Variants in FRMPD4 observed in about 807,000 individuals in gnomAD.
FRMPD4 encodes FERM and PDZ domain-containing protein 4.
FRMPD4 carries 22 observed loss-of-function variants against 94.1 expected under a neutral mutation model. That is an observed-to-expected ratio of 0.23 (90% CI 0.17 to 0.33). The LOEUF (loss-of-function observed/expected upper bound fraction) is 0.33, where lower values mean the gene tolerates loss of function less well. FRMPD4 is among the 10% of genes least tolerant of loss of function. FRMPD4 has a pLI of 1.00. For synonymous variants in FRMPD4, 631 were observed against 548.6 expected, an observed-to-expected ratio of 1.15 and a Z score of -2.10; for missense variants, 1,111 against 1,339.9, an observed-to-expected ratio of 0.83 and a Z score of 2.67.
At chrX:11,970,727 G>T (rs2054335771) in intron 3 of FRMPD4, among the ~76,000 whole-genome samples, 1 of 111,792 alleles carries the variant, frequency 8.9e-6, no homozygotes. Flanking sequence ...AAGTTTTCGT[G>T]ATTGCTTAAA....
intron 3 of FRMPD4, among the ~76,000 whole-genome samples, chrX:12,098,808 A>G (rs1271829548): frequency 9.0e-6 from 1 of 110,738 alleles, no homozygotes; most frequent in African/African-American, 3.3e-5. Context: ...CAAAGTGGAG[A>G]AACCCTACTT....
chrX:12,582,419 C>CA (rs1447477452), intron 2 of FRMPD4, among the ~76,000 whole-genome samples: 1 of 112,032 alleles, frequency 8.9e-6, no homozygotes, highest in African/African-American at 3.2e-5. Flanking sequence ...TCCTATCTTC[C>CA]AAAGCTCCAT....
chrX:11,910,508 G>A (rs2053991075), intron 3 of FRMPD4, among the ~76,000 whole-genome samples: 1 of 108,994 alleles, frequency 9.2e-6, no homozygotes, highest in East Asian at 2.9e-4. Context: ...TAACCTCCCA[G>A]GTTCAAGCTA....
rs186884273 is a variant in FRMPD4 at position 12,193,888 on chromosome X, C to T, written c.41+54876C>T. On this transcript the variant is annotated intron_variant, in intron 1 of 16. Transcript: ENST00000675598. ...AAGGAAGAGAGAGAGAAAGAGAAAG[C>T]GAGAAAGCAAGCAAGGCAAGAGATT... Among the ~76,000 whole-genome samples the T allele has an allele frequency of 8.7e-5, 9 of 103,784 alleles. No homozygotes were observed. The East Asian group carries it at 2.8e-3, about 32-fold the overall frequency. 90.1% of individuals were successfully genotyped at this position (103,784 alleles called of 115,157 possible).
chrX:12,286,949 C>T (rs1365086936), intron 1 of FRMPD4, among the ~76,000 whole-genome samples: 6 of 112,166 alleles, frequency 5.3e-5, no homozygotes, highest in Admixed American at 4.7e-4. Flanking sequence ...TCTCTGGAGG[C>T]ATCAATCCTG....
intron 1 of FRMPD4, among the ~76,000 whole-genome samples, chrX:12,302,262 C>T (rs975959146): frequency 1.8e-5 from 2 of 112,066 alleles, no homozygotes; most frequent in African/African-American, 6.5e-5. Context: ...AGTTTATATG[C>T]AGATTGGGAA....
At chrX:12,313,185 T>G (rs1482756376) in intron 1 of FRMPD4, among the ~76,000 whole-genome samples, 2 of 112,480 alleles carry the variant, frequency 1.8e-5, no homozygotes, top group Non-Finnish European at 3.8e-5. Flanking sequence ...CTTGAGAAGA[T>G]GAAGACTGCA....
chrX:12,119,348 T>C (rs1239004262), intron 3 of FRMPD4, among the ~76,000 whole-genome samples: 1 of 112,055 alleles, frequency 8.9e-6, no homozygotes, highest in Non-Finnish European at 1.9e-5. Flanking sequence ...CAGTTCACCA[T>C]GATTTAGAAT....
rs2054370225 is a variant in FRMPD4, at chrX:11,976,908, G to C, written c.95+98890G>C. 2.7e-5 allele frequency among the ~76,000 whole-genome samples: 3 copies of C among 110,178 alleles called. No individual in the cohort carries two copies. The South Asian group carries it at 1.2e-3, about 42-fold the overall frequency. On this transcript the variant is annotated intron_variant, in intron 3 of 18. Transcript: ENST00000640291. ...TCTGTGATCATTTTCATTTTGTTTTGTTCTTTTTTTAAAAAAAATGCATCT... is the reference window on the plus strand; with the variant it reads ...TCTGTGATCATTTTCATTTTGTTTTCTTCTTTTTTTAAAAAAAATGCATCT...
chrX:12,093,627 G>A (rs2055173524), intron 3 of FRMPD4, among the ~76,000 whole-genome samples: 1 of 108,194 alleles, frequency 9.2e-6, no homozygotes, highest in African/African-American at 3.4e-5. Flanking sequence ...AAGTCTTGCT[G>A]AGGACATCAC....
chrX:12,443,623 C>T (rs963469000), intron 1 of FRMPD4, among the ~76,000 whole-genome samples: 3 of 111,384 alleles, frequency 2.7e-5, no homozygotes, highest in African/African-American at 9.8e-5. Flanking sequence ...AATAAGGCTA[C>T]ATCTGAAGAC....
intron 3 of FRMPD4, among the ~76,000 whole-genome samples, chrX:11,959,000 A>C (rs1468882907): frequency 2.7e-5 from 3 of 112,444 alleles, no homozygotes; most frequent in Admixed American, 1.9e-4. Flanking sequence ...TGCCAAAAAA[A>C]ACCCTACCAA....
intron 1 of FRMPD4, among the ~76,000 whole-genome samples, chrX:12,423,987 C>A (rs374176692): frequency 1.2e-4 from 13 of 112,183 alleles, no homozygotes; most frequent in East Asian, 1.1e-3. Flanking sequence ...CAGAAAAGAA[C>A]AAGAAGCTTT....
chrX:11,978,771 CT>C (rs1423386932), intron 3 of FRMPD4, among the ~76,000 whole-genome samples: 2 of 111,776 alleles, frequency 1.8e-5, no homozygotes, highest in Non-Finnish European at 3.8e-5. Flanking sequence ...AAAAGAACAT[CT>C]TTTAAGATCT....
chrX:11,942,841 A>G (rs935147999), intron 3 of FRMPD4, among the ~76,000 whole-genome samples: 2 of 111,987 alleles, frequency 1.8e-5, no homozygotes, highest in African/African-American at 6.5e-5. Flanking sequence ...TCTTGTATCT[A>G]TTAAGTTGTC....
chrX:12,387,350 G>T (rs1207387092), intron 1 of FRMPD4, among the ~76,000 whole-genome samples: 1 of 111,644 alleles, frequency 9.0e-6, no homozygotes, highest in African/African-American at 3.3e-5. Context: ...TCTATTTTAC[G>T]GCATTAAACC....
chrX:11,851,336 A>G (rs2053620828), intron 1 of FRMPD4, among the ~76,000 whole-genome samples: 2 of 111,467 alleles, frequency 1.8e-5, no homozygotes, highest in Non-Finnish European at 3.8e-5. Context: ...ATGATTTTCA[A>G]TTTTAGAGTC....
intron 1 of FRMPD4, among the ~76,000 whole-genome samples, chrX:12,294,926 G>A (rs113989044): frequency 0.13 from 14,373 of 111,404 alleles, 800 homozygotes; most frequent in African/African-American, 0.19. Flanking sequence ...AAGTTCATAG[G>A]ATTCAAGTAT....
At chrX:11,861,925 G>A (rs1388132391) in intron 1 of FRMPD4, among the ~76,000 whole-genome samples, 1 of 111,839 alleles carries the variant, frequency 8.9e-6, no homozygotes, top group Non-Finnish European at 1.9e-5. Flanking sequence ...GTCAGCATCT[G>A]CTTGGCTTCT....
Sources: allele counts gnomAD v4.1 joint callset (sites outside exome capture counted in the v4.1 genomes callset), GRCh38; gene constraint gnomAD v4.1.1; transcripts MANE v1.5; gene names NCBI Gene and HGNC (gene_info 2026-07-23, HGNC 2026-07-21).